CSMD3: variants seen among roughly 807,000 people sequenced by gnomAD.
CSMD3 encodes CUB and Sushi multiple domains 3, also known as CUB and sushi domain-containing protein 3.
CSMD3 carries 177 observed loss-of-function variants against 435.2 expected under a neutral mutation model. The observed-to-expected ratio is 0.41, with a 90% CI of 0.36 to 0.46. The LOEUF (loss-of-function observed/expected upper bound fraction) is 0.46. Ranked by LOEUF, CSMD3 falls within the 20% of genes least tolerant of loss-of-function variation. The probability of loss-of-function intolerance (pLI) is 0.34; values close to 1 mark genes in which losing one functional copy is unlikely to be tolerated. For missense variants in CSMD3, 4,265 were observed against 4,504.6 expected, an observed-to-expected ratio of 0.95 and a Z score of 1.52; for synonymous variants, 1,656 against 1,520.5, an observed-to-expected ratio of 1.09 and a Z score of -2.07.
chr8:112,634,169 C>T (rs1438181056), intron 22 of CSMD3, among the ~76,000 whole-genome samples: 2 of 151,736 alleles, frequency 1.3e-5, no homozygotes, highest in African/African-American at 4.8e-5. Context: ...AACTAACATT[C>T]CTAAAAGTGG....
At chr8:112,261,153 AT>A (rs1419627353) in intron 61 of CSMD3, among the ~76,000 whole-genome samples, 2 of 152,028 alleles carry the variant, frequency 1.3e-5, no homozygotes, top group Non-Finnish European at 2.9e-5. Flanking sequence ...CATGCCCAGT[AT>A]TTGCCATCAC....
intron 38 of CSMD3, among the ~76,000 whole-genome samples, chr8:112,356,806 G>T (rs1210405374): frequency 1.3e-5 from 2 of 152,078 alleles, no homozygotes; most frequent in African/African-American, 2.4e-5. Flanking sequence ...ATGTAAGACA[G>T]GACTTGCTCT....
intron 13 of CSMD3, among the ~76,000 whole-genome samples, chr8:112,772,789 C>A (rs756768018): frequency 1.3e-5 from 2 of 152,098 alleles, no homozygotes; most frequent in African/African-American, 2.4e-5. Context: ...GGCAGCAATA[C>A]TGCTCTTTAA....
At chr8:112,565,211 T>C (rs1395259497) in intron 24 of CSMD3, among the ~76,000 whole-genome samples, 3 of 152,132 alleles carry the variant, frequency 2.0e-5, no homozygotes, top group Admixed American at 1.3e-4. Flanking sequence ...ATTTTAAAAA[T>C]GTAAGAAATG....
At chr8:113,095,831 T>C (rs1404428779) in intron 5 of CSMD3, among the ~76,000 whole-genome samples, 1 of 152,160 alleles carries the variant, frequency 6.6e-6, no homozygotes, top group Non-Finnish European at 1.5e-5. Context: ...ACATTTTATA[T>C]AAGGAACTTC....
intron 1 of CSMD3, among the ~76,000 whole-genome samples, chr8:113,365,476 A>T (rs1340815389): frequency 6.6e-6 from 1 of 152,066 alleles, no homozygotes; most frequent in Non-Finnish European, 1.5e-5. Flanking sequence ...GTTTTACCTC[A>T]TTCCATGTAA....
chr8:112,406,487 A>G (rs765851510), intron 35 of CSMD3, 37 bp downstream of exon 35: 7 of 1,381,136 alleles, frequency 5.1e-6, no homozygotes, highest in South Asian at 3.7e-5. Flanking sequence ...TATATAAACT[A>G]TGTATAATCA....
chr8:113,435,920 CT>C (rs916503342), intron 1 of CSMD3, among the ~76,000 whole-genome samples: 1 of 152,062 alleles, frequency 6.6e-6, no homozygotes, highest in African/African-American at 2.4e-5. Flanking sequence ...ACCCCCTCCC[CT>C]ATCTGTGCAT....
chr8:112,260,409 C>T (rs1816268091), intron 61 of CSMD3, among the ~76,000 whole-genome samples: 1 of 152,098 alleles, frequency 6.6e-6, no homozygotes, highest in Non-Finnish European at 1.5e-5. Flanking sequence ...ATGACTAATC[C>T]TACGTACCCA....
intron 10 of CSMD3, among the ~76,000 whole-genome samples, chr8:112,893,988 A>G (rs558346328): frequency 2.6e-5 from 4 of 151,600 alleles, no homozygotes; most frequent in Admixed American, 1.3e-4. Context: ...TTGATAAAAT[A>G]AATAAGAGAG....
chr8:113,185,720 TGTGTGTGTGTGCATGCATGTGTGCATGC>T (rs2092489505), intron 3 of CSMD3, among the ~76,000 whole-genome samples: 1 of 151,868 alleles, frequency 6.6e-6, no homozygotes, highest in Non-Finnish European at 1.5e-5. Flanking sequence ...TATATTTTGG[TGTGTGTGTGTGCATGCATGTGTGCATGC>T]GTGTGTGTGT....
intron 20 of CSMD3, among the ~76,000 whole-genome samples, chr8:112,641,404 C>T (rs1310481239): frequency 6.6e-6 from 1 of 152,022 alleles, no homozygotes; most frequent in East Asian, 1.9e-4. Flanking sequence ...AACTCATGGC[C>T]TATTTGAGGA....
At chr8:113,181,383 G>C (rs961839539) in intron 3 of CSMD3, among the ~76,000 whole-genome samples, 6 of 152,014 alleles carry the variant, frequency 3.9e-5, no homozygotes, top group African/African-American at 1.4e-4. Context: ...TGTGGATACA[G>C]ATAAGGTCCA....
At chr8:112,573,110 T>C (rs1346087709) in intron 24 of CSMD3, among the ~76,000 whole-genome samples, 1 of 152,100 alleles carries the variant, frequency 6.6e-6, no homozygotes, top group Non-Finnish European at 1.5e-5. Context: ...TAGTTATCAT[T>C]TATAACTGAC....
rs79823320 is a variant in CSMD3, at chr8:113,039,739, G to T, written c.918-20560C>A. ...GACTATTTAAATGAAAAACAGGACAGTACAGAATTGGCCAGATAGTTGGCA... is the reference window on the plus strand; with the variant it reads ...GACTATTTAAATGAAAAACAGGACATTACAGAATTGGCCAGATAGTTGGCA... On this transcript the variant is annotated intron_variant, in intron 5 of 70. Transcript: ENST00000297405. 6.7e-3 allele frequency among the ~76,000 whole-genome samples: 1,019 copies of T among 152,214 alleles called. 12 individuals are homozygous for T. The highest frequency in any genetic ancestry group is 0.024 in the African/African-American group (977 of 41,530).
intron 3 of CSMD3, among the ~76,000 whole-genome samples, chr8:113,276,032 A>G (rs1423127961): frequency 6.6e-6 from 1 of 152,022 alleles, no homozygotes; most frequent in East Asian, 1.9e-4. Context: ...TCCGAGCTTC[A>G]CAATATGCCA....
At chr8:112,994,913 T>C (rs2131036928) in intron 6 of CSMD3, among the ~76,000 whole-genome samples, 1 of 151,694 alleles carries the variant, frequency 6.6e-6, no homozygotes, top group Non-Finnish European at 1.5e-5. Flanking sequence ...TATTCTTATA[T>C]TTGAAAAGAC....
chr8:112,257,977 C>G (rs949205092), intron 61 of CSMD3, among the ~76,000 whole-genome samples: 1 of 152,142 alleles, frequency 6.6e-6, no homozygotes, highest in Non-Finnish European at 1.5e-5. Flanking sequence ...AATAACACCA[C>G]ACATCTACAA....
intron 10 of CSMD3, among the ~76,000 whole-genome samples, chr8:112,863,948 T>A (rs1184370386): frequency 6.6e-6 from 1 of 152,098 alleles, no homozygotes; most frequent in South Asian, 2.1e-4. Flanking sequence ...ATGACAACTT[T>A]GGTCATTAAA....
Sources: allele counts gnomAD v4.1 joint callset (sites outside exome capture counted in the v4.1 genomes callset), GRCh38; gene constraint gnomAD v4.1.1; transcripts MANE v1.5; gene names NCBI Gene and HGNC (gene_info 2026-07-23, HGNC 2026-07-21).